ZNF385D: variants seen among roughly 807,000 people sequenced by gnomAD.
ZNF385D encodes zinc finger protein 385D.
A neutral mutation model predicts 35.8 loss-of-function variants in ZNF385D; 15 were observed. The observed-to-expected ratio is 0.42, with a 90% confidence interval of 0.28 to 0.64. The LOEUF (loss-of-function observed/expected upper bound fraction) is 0.64. Among genes scored for constraint, ZNF385D ranks in the 30% least tolerant of loss-of-function variants. The pLI, the probability that ZNF385D is intolerant of heterozygous loss-of-function variation, is 0.23. For synonymous variants in ZNF385D, 212 were observed against 186.8 expected, an observed-to-expected ratio of 1.13 and a Z score of -1.10; for missense variants, 474 against 494.6, an observed-to-expected ratio of 0.96 and a Z score of 0.39.
chr3:21,652,467 ATTT>A (rs1436680633), intron 2 of ZNF385D, among the ~76,000 whole-genome samples: 1 of 152,038 alleles, frequency 6.6e-6, no homozygotes, highest in Admixed American at 6.6e-5. Context: ...GTATTAATAT[ATTT>A]TTTTAATTTT....
chr3:22,068,440 T>G (rs1258643514), intron 3 of ZNF385D, among the ~76,000 whole-genome samples: 1 of 152,160 alleles, frequency 6.6e-6, no homozygotes, highest in Admixed American at 6.5e-5. Flanking sequence ...ATGTCTCTTT[T>G]TCCTTTTCTT....
At chr3:21,975,366 C>A (rs1456056249) in intron 3 of ZNF385D, among the ~76,000 whole-genome samples, 3 of 151,970 alleles carry the variant, frequency 2.0e-5, no homozygotes, top group Non-Finnish European at 4.4e-5. Flanking sequence ...AACAATGCAA[C>A]TCATGGAGAG....
intron 3 of ZNF385D, among the ~76,000 whole-genome samples, chr3:21,906,459 G>C (rs202153911): frequency 6.6e-6 from 1 of 152,158 alleles, no homozygotes; most frequent in Non-Finnish European, 1.5e-5. Context: ...ACTACTCTGA[G>C]CTTTACCAGC....
intron 2 of ZNF385D, among the ~76,000 whole-genome samples, chr3:21,596,046 A>G (rs1010728827): frequency 1.3e-5 from 2 of 152,222 alleles, no homozygotes; most frequent in African/African-American, 2.4e-5. Flanking sequence ...TCAGGTGGTA[A>G]GAACCAGCAA....
intron 1 of ZNF385D, among the ~76,000 whole-genome samples, chr3:21,739,035 A>G (rs1429390524): frequency 6.6e-6 from 1 of 152,220 alleles, no homozygotes; most frequent in Non-Finnish European, 1.5e-5. Context: ...TAATCATCAC[A>G]TATCTAGCCG....
intron 3 of ZNF385D, among the ~76,000 whole-genome samples, chr3:21,921,922 G>A (rs1374219737): frequency 2.0e-5 from 3 of 150,816 alleles, no homozygotes; most frequent in African/African-American, 7.3e-5. Context: ...GACATACGAA[G>A]AAGAGATGGT....
At chr3:21,894,306 C>CT (rs1699024664) in intron 3 of ZNF385D, among the ~76,000 whole-genome samples, 1 of 151,958 alleles carries the variant, frequency 6.6e-6, no homozygotes, top group African/African-American at 2.4e-5. Context: ...TATACTTAGT[C>CT]AATTCATGTA....
At chr3:22,126,258 A>G (rs192960582) in intron 3 of ZNF385D, among the ~76,000 whole-genome samples, 1 of 150,510 alleles carries the variant, frequency 6.6e-6, no homozygotes, top group Non-Finnish European at 1.5e-5. Context: ...CATGCAATAA[A>G]TCCCACATTG....
chr3:21,564,345 T>C (rs1406532875), intron 3 of ZNF385D, among the ~76,000 whole-genome samples: 3 of 152,106 alleles, frequency 2.0e-5, no homozygotes, highest in African/African-American at 7.2e-5. Context: ...AATAAAAATA[T>C]TAAACTGCAA....
chr3:22,216,547 G>A lies in ZNF385D; in HGVS notation c.107-47512C>T, dbSNP rs115254899. 5.2e-3 allele frequency among the ~76,000 whole-genome samples: 799 copies of A among 152,224 alleles called. 4 individuals are homozygous for A. Among genetic ancestry groups the A allele is most frequent in the Non-Finnish European group, 8.8e-3 (596 of 68,014 alleles). On this transcript the variant is annotated intron_variant, in intron 2 of 5. Coordinates refer to the ZNF385D transcript ENST00000494108. The stretch of plus-strand genomic sequence containing the variant: ...GAAAATCTTAAGCATTGACCCAGAT[G>A]TGAAAATACAAGGAAAACGTGGAGA...
At chr3:22,220,384 G>A (rs1698179982) in intron 2 of ZNF385D, among the ~76,000 whole-genome samples, 1 of 151,950 alleles carries the variant, frequency 6.6e-6, no homozygotes, top group African/African-American at 2.4e-5. Flanking sequence ...AGTTATCTCT[G>A]ACTCTAATTT....
chr3:22,224,450 T>C (rs974117797), intron 2 of ZNF385D, among the ~76,000 whole-genome samples: 4 of 152,172 alleles, frequency 2.6e-5, no homozygotes, highest in African/African-American at 4.8e-5. Context: ...ATTATAGTTA[T>C]ACCTTCAAGA....
At position 22,086,585 on chromosome 3, in the gene ZNF385D, A is replaced by G. The variant is rs376810004; in HGVS notation, c.325+82232T>C. 9.2e-5 allele frequency among the ~76,000 whole-genome samples: 14 copies of G among 152,302 alleles called. No homozygotes were observed. In the East Asian group the frequency reaches 9.7e-4, roughly 11 times the overall value. On this transcript the variant is annotated intron_variant, in intron 3 of 5. Coordinates refer to the ZNF385D transcript ENST00000494108. The stretch of plus-strand genomic sequence containing the variant: ...AAATGGAAGAACATTCCATGCTCAT[A>G]GATAGGAAGAATCAATATCATGAAA...
At chr3:22,113,937 A>T (rs1290843945) in intron 3 of ZNF385D, among the ~76,000 whole-genome samples, 1 of 152,132 alleles carries the variant, frequency 6.6e-6, no homozygotes, top group Non-Finnish European at 1.5e-5. Context: ...GGGTACATTC[A>T]TTGGAACTAG....
intron 2 of ZNF385D, among the ~76,000 whole-genome samples, chr3:22,300,379 T>C (rs1356117856): frequency 8.9e-6 from 1 of 112,098 alleles, no homozygotes; most frequent in Non-Finnish European, 1.8e-5. Context: ...TTGATTGGTC[T>C]GGGCAATGAT....
intron 1 of ZNF385D, among the ~76,000 whole-genome samples, chr3:21,741,057 A>AG (rs143455877): frequency 0.2 from 30,213 of 152,154 alleles, 3,076 homozygotes; most frequent in Middle Eastern, 0.33. Context: ...TGCCTGGCAC[A>AG]GCAGGCATTC....
rs539365789 is a variant in ZNF385D, at chr3:21,420,910, G to T, written c.*304C>A. 5 of 290,936 alleles carry T rather than the reference G, an allele frequency of 1.7e-5. No individual in the cohort carries two copies. The Admixed American group carries it at 2.2e-4, about 13-fold the overall frequency. 18.0% of individuals were successfully genotyped at this position (290,936 alleles called of 1,614,324 possible). On this transcript the variant is annotated 3_prime_UTR_variant, in exon 8 of 8. Transcript: ENST00000281523. ...AGGACAGACAATGCAGAGGGAAATA[G>T]GTGCCCAAAAGCACAGTCACAGAGG...
At chr3:22,345,567 T>C (rs1695620778) in intron 2 of ZNF385D, among the ~76,000 whole-genome samples, 1 of 152,202 alleles carries the variant, frequency 6.6e-6, no homozygotes, top group African/African-American at 2.4e-5. Flanking sequence ...GTTTTCACTT[T>C]GGGGAACGTC....
chr3:22,214,212 G>C (rs772425955), intron 2 of ZNF385D, among the ~76,000 whole-genome samples: 9 of 152,066 alleles, frequency 5.9e-5, no homozygotes, highest in Non-Finnish European at 1.0e-4. Flanking sequence ...AAATTGTGAA[G>C]ATTTCATGGA....
Sources: allele counts gnomAD v4.1 joint callset (sites outside exome capture counted in the v4.1 genomes callset), GRCh38; gene constraint gnomAD v4.1.1; transcripts MANE v1.5; gene names NCBI Gene and HGNC (gene_info 2026-07-23, HGNC 2026-07-21).